ROBO1: variants seen among roughly 807,000 people sequenced by gnomAD.
The protein encoded by ROBO1 is roundabout homolog 1.
Under a neutral mutation model 195.9 loss-of-function variants are expected in ROBO1, and 149 were observed. The ratio of observed to expected loss-of-function variants is 0.76; its 90% CI spans 0.67 to 0.87. The LOEUF is 0.87. Among genes scored for constraint, ROBO1 ranks in the 40% least tolerant of loss-of-function variants. The pLI, the probability that ROBO1 is intolerant of heterozygous loss-of-function variation, is 0.00. For synonymous variants in ROBO1, 816 were observed against 733.2 expected, an observed-to-expected ratio of 1.11 and a Z score of -1.82; for missense variants, 1,933 against 2,068.3, an observed-to-expected ratio of 0.93 and a Z score of 1.27.
chr3:78,898,772 T>G (rs752173691), intron 4 of ROBO1, among the ~76,000 whole-genome samples: 46 of 152,174 alleles, frequency 3.0e-4, no homozygotes, highest in Non-Finnish European at 2.4e-4. Context: ...GAAGTCCACA[T>G]ATATTTAAAT....
intron 2 of ROBO1, among the ~76,000 whole-genome samples, chr3:79,283,767 C>A (rs12635051): frequency 1.3e-5 from 2 of 149,422 alleles, no homozygotes; most frequent in African/African-American, 5.0e-5. Flanking sequence ...GCGCGATCTC[C>A]GCTCACTGCA....
At chr3:79,447,180 A>G (rs550599226) in intron 2 of ROBO1, among the ~76,000 whole-genome samples, 1 of 152,272 alleles carries the variant, frequency 6.6e-6, no homozygotes, top group East Asian at 1.9e-4. Context: ...GCCCTAACAC[A>G]GACAGACTCG....
At chr3:79,511,266 T>C (rs1031888062) in intron 2 of ROBO1, among the ~76,000 whole-genome samples, 1 of 152,142 alleles carries the variant, frequency 6.6e-6, no homozygotes, top group African/African-American at 2.4e-5. Flanking sequence ...AATTAAATGA[T>C]CGCAAATTTT....
intron 2 of ROBO1, among the ~76,000 whole-genome samples, chr3:79,476,242 A>C (rs543365363): frequency 6.6e-6 from 1 of 152,242 alleles, no homozygotes; most frequent in Non-Finnish European, 1.5e-5. Context: ...AAAATAATAG[A>C]TGTTGGCACG....
intron 1 of ROBO1, among the ~76,000 whole-genome samples, chr3:79,728,480 T>A (rs969492133): frequency 1.3e-5 from 2 of 152,184 alleles, no homozygotes; most frequent in African/African-American, 4.8e-5. Flanking sequence ...CCTTCAATGT[T>A]AACCTTGACT....
chr3:78,873,793 T>C (rs1369298633), intron 4 of ROBO1, among the ~76,000 whole-genome samples: 1 of 152,150 alleles, frequency 6.6e-6, no homozygotes, highest in Non-Finnish European at 1.5e-5. Context: ...ACGTGACTTT[T>C]ATTTGGGCCA....
intron 2 of ROBO1, among the ~76,000 whole-genome samples, chr3:79,147,844 A>G (rs2080685201): frequency 6.6e-6 from 1 of 151,988 alleles, no homozygotes; most frequent in African/African-American, 2.4e-5. Flanking sequence ...ATTTCAATAG[A>G]GAATTTCAAA....
chr3:79,530,464 T>C (rs1941603271), intron 2 of ROBO1, among the ~76,000 whole-genome samples: 1 of 152,196 alleles, frequency 6.6e-6, no homozygotes, highest in South Asian at 2.1e-4. Flanking sequence ...AAATGTACAT[T>C]GAGAGAAAGG....
chr3:79,352,221 A>G (rs1295629984), intron 2 of ROBO1, among the ~76,000 whole-genome samples: 3 of 152,182 alleles, frequency 2.0e-5, no homozygotes, highest in Non-Finnish European at 4.4e-5. Context: ...GAATAAATAA[A>G]TTTCTGAACA....
intron 1 of ROBO1, among the ~76,000 whole-genome samples, chr3:79,682,194 A>G (rs572387784): frequency 2.2e-4 from 33 of 152,014 alleles, no homozygotes; most frequent in Admixed American, 1.7e-3. Flanking sequence ...TCAGAAAGTT[A>G]TTTCCTATGG....
chr3:78,948,675 C>G (rs950536118), intron 3 of ROBO1, among the ~76,000 whole-genome samples: 5 of 151,912 alleles, frequency 3.3e-5, no homozygotes, highest in African/African-American at 7.2e-5. Context: ...GGCAATCAGG[C>G]AGGAGAAGGA....
chr3:78,922,982 C>G (rs1438479833), intron 4 of ROBO1, among the ~76,000 whole-genome samples: 1 of 152,092 alleles, frequency 6.6e-6, no homozygotes, highest in African/African-American at 2.4e-5. Flanking sequence ...ACATCATTGA[C>G]TATTTAATAA....
chr3:79,704,606 T>C (rs1344473795), intron 1 of ROBO1, among the ~76,000 whole-genome samples: 2 of 152,050 alleles, frequency 1.3e-5, no homozygotes, highest in African/African-American at 4.8e-5. Context: ...CTTTAGTTGC[T>C]TCCAAGATTT....
chr3:79,070,282 C>T (rs112284578), intron 3 of ROBO1, among the ~76,000 whole-genome samples: 3 of 151,954 alleles, frequency 2.0e-5, no homozygotes, highest in African/African-American at 7.2e-5. Flanking sequence ...ATTGGATATA[C>T]AATATTTACT....
chr3:79,074,860 C>T (rs971553683), intron 3 of ROBO1, among the ~76,000 whole-genome samples: 1 of 151,752 alleles, frequency 6.6e-6, no homozygotes, highest in African/African-American at 2.4e-5. Flanking sequence ...CACAAATAAA[C>T]TTTTTTCCTA....
intron 4 of ROBO1, among the ~76,000 whole-genome samples, chr3:78,898,611 G>A (rs1183730645): frequency 3.3e-5 from 5 of 151,316 alleles, no homozygotes; most frequent in Admixed American, 3.3e-4. Flanking sequence ...GGATGGTCTC[G>A]ATCTCCTGAC....
At chr3:79,579,507 G>T (rs1440988946) in intron 2 of ROBO1, among the ~76,000 whole-genome samples, 1 of 152,114 alleles carries the variant, frequency 6.6e-6, no homozygotes, top group East Asian at 1.9e-4. Flanking sequence ...AAGTCTTTTG[G>T]AAAGGATGAA....
chr3:79,298,921 T>C (rs2032738866), intron 2 of ROBO1, among the ~76,000 whole-genome samples: 1 of 152,164 alleles, frequency 6.6e-6, no homozygotes, highest in South Asian at 2.1e-4. Context: ...GTCTGCATAC[T>C]ACAAAGATTT....
intron 2 of ROBO1, among the ~76,000 whole-genome samples, chr3:79,325,357 A>T (rs974789652): frequency 6.6e-6 from 1 of 152,192 alleles, no homozygotes; most frequent in Non-Finnish European, 1.5e-5. Flanking sequence ...TCACCCCTCA[A>T]AAAAGACAAG....
Sources: gnomAD v4.1 joint callset for allele counts (sites outside exome capture counted in the v4.1 genomes callset) on GRCh38, gnomAD v4.1.1 for gene constraint, MANE v1.5 for transcripts, NCBI Gene and HGNC (gene_info 2026-07-23, HGNC 2026-07-21) for gene names.